The following AP1S3 variants were observed in gnomAD, a reference collection of about 807,000 sequenced individuals.
AP1S3 encodes AP-1 complex subunit sigma-3.
In AP1S3, 10 loss-of-function variants were observed where a neutral mutation model predicts 20.9. The ratio of observed to expected loss-of-function variants is 0.48; its 90% CI spans 0.29 to 0.81. The LOEUF is 0.81. Among genes scored for constraint, AP1S3 ranks in the 30% least tolerant of loss-of-function variants. AP1S3 has a pLI of 0.08. For synonymous variants in AP1S3, 41 were observed against 61.5 expected, an observed-to-expected ratio of 0.67 and a Z score of 1.56; for missense variants, 154 against 183.8, an observed-to-expected ratio of 0.84 and a Z score of 0.94.
intron 4 of AP1S3, among the ~76,000 whole-genome samples, chr2:223,762,969 C>G (rs1173157754): frequency 6.6e-6 from 1 of 151,992 alleles, no homozygotes; most frequent in Non-Finnish European, 1.5e-5. Context: ...TTCCTTTATG[C>G]AAGTATACTA....
chr2:223,780,300 TATATATATAGAGAGAGAGAG>T (rs1325893796), intron 1 of AP1S3, among the ~76,000 whole-genome samples: 27 of 52,984 alleles, frequency 5.1e-4, no homozygotes, highest in African/African-American at 1.7e-3. Context: ...TATATATATA[TATATATATAGAGAGAGAGAG>T]AGAGAGAGAG....
intron 1 of AP1S3, among the ~76,000 whole-genome samples, chr2:223,825,643 T>C (rs1214007451): frequency 6.6e-6 from 1 of 152,208 alleles, no homozygotes; most frequent in East Asian, 1.9e-4. Flanking sequence ...CCCAAAAACA[T>C]GACAAGTATC....
At chr2:223,776,079 G>C in intron 2 of AP1S3, 70 bp from the exon 3 acceptor site, 1 of 1,179,120 alleles carries the variant, frequency 8.5e-7, no homozygotes, top group Non-Finnish European at 1.2e-6. Flanking sequence ...TTTTTCCCAC[G>C]AATATGCAGT....
At chr2:223,821,234 C>T (rs1224487187) in intron 1 of AP1S3, among the ~76,000 whole-genome samples, 1 of 152,220 alleles carries the variant, frequency 6.6e-6, no homozygotes, top group African/African-American at 2.4e-5. Context: ...CAGCTCACTG[C>T]AACCTCCACC....
rs573262304 is a variant in AP1S3, at chr2:223,837,393, C to A, written c.3+55G>T. On this transcript the variant is annotated intron_variant, in intron 1 of 4. Transcript: ENST00000396654. ...CGGCCCGGACGCCCCAGGTGCCTCC[C>A]CGGAGCGCGAGCGCCCCCACCGCCT... 2.7e-6 allele frequency: 3 copies of A among 1,129,324 alleles called. No homozygotes were observed. The African/African-American group carries it at 4.8e-5, about 18-fold the overall frequency. The allele number at this position is 1,129,324 out of a possible 1,614,324, so 70.0% of individuals were successfully genotyped here.
intron 1 of AP1S3, among the ~76,000 whole-genome samples, chr2:223,802,427 C>T (rs1185581890): frequency 6.6e-6 from 1 of 151,912 alleles, no homozygotes; most frequent in Admixed American, 6.6e-5. Context: ...CTCAACCTCC[C>T]GAGTAGCTGG....
chr2:223,793,514 C>T (rs149279124), intron 1 of AP1S3, among the ~76,000 whole-genome samples: 2 of 152,056 alleles, frequency 1.3e-5, no homozygotes, highest in Non-Finnish European at 2.9e-5. Context: ...GAAGTGGGAG[C>T]TGAATGATGA....
chr2:223,812,889 T>C (rs1691766107), intron 1 of AP1S3, among the ~76,000 whole-genome samples: 1 of 152,048 alleles, frequency 6.6e-6, no homozygotes, highest in Admixed American at 6.6e-5. Flanking sequence ...ATCACTTTTC[T>C]TCTATTATTG....
At position 223,765,412 on chromosome 2, in the gene AP1S3, C is replaced by T. The variant is rs1018439652; in HGVS notation, c.292-62G>A. ...AGTTGTATCAGGGGAAACATCTGCCCGAATCTCGAGCTTTTTCAGTTTGCA... is the reference window on the plus strand; with the variant it reads ...AGTTGTATCAGGGGAAACATCTGCCTGAATCTCGAGCTTTTTCAGTTTGCA... On this transcript the variant is annotated intron_variant, in intron 3 of 4. Coordinates refer to ENST00000396654, the MANE Select transcript of AP1S3 (RefSeq NM_001039569.2). The T allele has an allele frequency of 1.3e-4, 199 of 1,525,286 alleles. 2 individuals are homozygous for T. The Middle Eastern group carries it at 2.8e-3, about 21-fold the overall frequency. 94.5% of individuals were successfully genotyped at this position (1,525,286 alleles called of 1,614,324 possible).
chr2:223,758,298 A>G lies in AP1S3; in HGVS notation c.*417T>C. On this transcript the variant is annotated 3_prime_UTR_variant, in exon 5 of 5. Transcript: ENST00000396654. ...ATTATTATACAATTTAGAAAACTAAACATTTAGAAAAAGTATTAATGACAT... is the reference window on the plus strand; with the variant it reads ...ATTATTATACAATTTAGAAAACTAAGCATTTAGAAAAAGTATTAATGACAT... 5 of 976,526 alleles carry G rather than the reference A, an allele frequency of 5.1e-6. No homozygotes were observed. Among genetic ancestry groups the G allele is most frequent in the Non-Finnish European group, 6.1e-6 (5 of 820,938 alleles). 60.5% of individuals were successfully genotyped at this position (976,526 alleles called of 1,614,324 possible).
intron 1 of AP1S3, among the ~76,000 whole-genome samples, chr2:223,825,878 G>A (rs1460316688): frequency 6.6e-6 from 1 of 151,850 alleles, no homozygotes; most frequent in South Asian, 2.1e-4. Flanking sequence ...TTAGTCAGGT[G>A]TGGTGGCGGG....
At chr2:223,787,677 A>G (rs746308498) in intron 1 of AP1S3, among the ~76,000 whole-genome samples, 5 of 152,222 alleles carry the variant, frequency 3.3e-5, no homozygotes, top group Non-Finnish European at 7.3e-5. Context: ...AAGTCTCCCT[A>G]TCGAGTAACT....
chr2:223,762,581 T>G (rs942170416), intron 4 of AP1S3, among the ~76,000 whole-genome samples: 1 of 152,160 alleles, frequency 6.6e-6, no homozygotes, highest in African/African-American at 2.4e-5. Flanking sequence ...ACAGAGGGTT[T>G]AATTTTCCTT....
At chr2:223,833,882 T>A (rs991844088) in intron 1 of AP1S3, among the ~76,000 whole-genome samples, 11 of 145,940 alleles carry the variant, frequency 7.5e-5, no homozygotes, top group South Asian at 2.2e-4. Flanking sequence ...TTTACACTCT[T>A]TTTATTTATT....
chr2:223,766,524 A>G (rs1023008417), intron 3 of AP1S3, among the ~76,000 whole-genome samples: 1 of 152,270 alleles, frequency 6.6e-6, no homozygotes, highest in Non-Finnish European at 1.5e-5. Context: ...CATGCCAGTT[A>G]GAATGGCGAT....
intron 4 of AP1S3, among the ~76,000 whole-genome samples, chr2:223,761,761 A>C (rs1430285458): frequency 2.0e-5 from 3 of 151,838 alleles, no homozygotes; most frequent in Non-Finnish European, 4.4e-5. Context: ...CAAGGTTCTC[A>C]CTATGTTGCC....
At chr2:223,808,502 T>C (rs1443125218) in intron 1 of AP1S3, among the ~76,000 whole-genome samples, 4 of 152,210 alleles carry the variant, frequency 2.6e-5, no homozygotes, top group African/African-American at 9.6e-5. Flanking sequence ...ATCACTTTTA[T>C]GTTAGAAAGT....
Position 223,757,601 on chromosome 2 carries a change from C to T in AP1S3, c.*1114G>A. ...CCACTCCCGGCCTACAAGCTATTTC[C>T]CTGTAATATGTCTGATCACTGTTAG... On this transcript the variant is annotated 3_prime_UTR_variant, in exon 5 of 5. Transcript: ENST00000396654. 1.0e-6 allele frequency: 1 copy of T among 985,266 alleles called. No individual in the cohort carries two copies. Among genetic ancestry groups the T allele is most frequent in the Non-Finnish European group, 1.2e-6 (1 of 829,912 alleles). The allele number at this position is 985,266 out of a possible 1,614,324, so 61.0% of individuals were successfully genotyped here.
intron 3 of AP1S3, among the ~76,000 whole-genome samples, chr2:223,766,904 G>A (rs1208997379): frequency 2.0e-5 from 3 of 152,160 alleles, no homozygotes; most frequent in Admixed American, 2.0e-4. Flanking sequence ...GTCCTTTGCA[G>A]GGACACAGAT....
Sources: gnomAD v4.1 joint callset for allele counts (sites outside exome capture counted in the v4.1 genomes callset) on GRCh38, gnomAD v4.1.1 for gene constraint, MANE v1.5 for transcripts, NCBI Gene and HGNC (gene_info 2026-07-23, HGNC 2026-07-21) for gene names.